Variants in PPP2R2C observed in about 807,000 individuals in gnomAD.
PPP2R2C encodes the protein protein phosphatase 2, regulatory subunit B, gamma.
In PPP2R2C, 10 loss-of-function variants were observed where a neutral mutation model predicts 45.3. The observed-to-expected ratio is 0.22, with a 90% CI of 0.14 to 0.37. The LOEUF is 0.37. PPP2R2C is among the 10% of genes least tolerant of loss of function. The pLI, the probability that PPP2R2C is intolerant of heterozygous loss-of-function variation, is 1.00. For synonymous variants in PPP2R2C, 257 were observed against 245.4 expected, an observed-to-expected ratio of 1.05 and a Z score of -0.44; for missense variants, 308 against 619.7, an observed-to-expected ratio of 0.50 and a Z score of 5.34.
At chr4:6,386,166 G>A (rs1039287931) in intron 1 of PPP2R2C, among the ~76,000 whole-genome samples, 25 of 152,294 alleles carry the variant, frequency 1.6e-4, no homozygotes, top group African/African-American at 4.6e-4. Context: ...GGGTGAGGCC[G>A]CAGCAGATGC....
chr4:6,403,457 G>A (rs1449571927), intron 1 of PPP2R2C, among the ~76,000 whole-genome samples: 2 of 152,220 alleles, frequency 1.3e-5, no homozygotes, highest in African/African-American at 4.8e-5. Context: ...ACAGCGGGGT[G>A]AGGCTGTGCG....
chr4:6,396,055 C>T (rs1389146309), intron 1 of PPP2R2C, among the ~76,000 whole-genome samples: 1 of 152,200 alleles, frequency 6.6e-6, no homozygotes, highest in East Asian at 1.9e-4. Flanking sequence ...CACACAGGAG[C>T]ATTACACACA....
intron 2 of PPP2R2C, among the ~76,000 whole-genome samples, chr4:6,509,937 T>A (rs1338722712): frequency 6.6e-6 from 1 of 152,208 alleles, no homozygotes; most frequent in Non-Finnish European, 1.5e-5. Context: ...ACCCTCCACG[T>A]GTAACTGATT....
chr4:6,494,016 C>A lies in PPP2R2C; in HGVS notation c.49+41255G>T, dbSNP rs117542744. ...TCGGCTACACCCAGCTTCGAGCCTG[C>A]AGCGTACCTGGGTTTGCACATTTTT... is the stretch of plus-strand genomic sequence containing the variant. On this transcript the variant is annotated intron_variant, in intron 2 of 9. Coordinates refer to the PPP2R2C transcript ENST00000506140. 2.6e-4 allele frequency among the ~76,000 whole-genome samples: 40 copies of A among 152,362 alleles called. No homozygotes were observed. The East Asian group carries it at 7.5e-3, about 29-fold the overall frequency.
At chr4:6,362,570 G>A (rs1713875643) in intron 5 of PPP2R2C, among the ~76,000 whole-genome samples, 1 of 152,200 alleles carries the variant, frequency 6.6e-6, no homozygotes, top group Non-Finnish European at 1.5e-5. Flanking sequence ...AAATACGGCT[G>A]TCTCAACAAA....
At position 6,323,315 on chromosome 4, in the gene PPP2R2C, G is replaced by C; in HGVS notation, c.1331C>G (p.Ser444Cys). The C allele has an allele frequency of 1.2e-6, 2 of 1,603,608 alleles. No homozygotes were observed. Among genetic ancestry groups the C allele is most frequent in the South Asian group, 1.1e-5 (1 of 90,598 alleles). Residue 444 changes from serine (S) to cysteine (C), a missense_variant, in exon 9 of 9, where the codon TCT (serine) becomes TGT (cysteine). Ser to Cys is a moderately radical substitution (Grantham distance 112). Transcript: ENST00000382599. ...NLYIFQDKVN[S>C]DMH is the part of the protein sequence containing the mutation. ...AACTGCACATACCTAGTGCATGTCA[G>C]AGTTTACCTTGTCCTGGAAGATGTA...
At chr4:6,543,197 T>C (rs1411605730) in intron 1 of PPP2R2C, among the ~76,000 whole-genome samples, 2 of 152,196 alleles carry the variant, frequency 1.3e-5, no homozygotes. Flanking sequence ...CCGCAGCCCC[T>C]GAGCTCCTCA....
At position 6,372,579 on chromosome 4, in the gene PPP2R2C, G is replaced by C; in HGVS notation, c.569C>G (p.Ser190Trp). 6.2e-7 allele frequency: 1 copy of C among 1,614,190 alleles called. No individual in the cohort carries two copies. Among genetic ancestry groups the C allele is most frequent in the Non-Finnish European group, 8.5e-7 (1 of 1,180,034 alleles). The change falls in exon 5 of 9, where the codon TCG becomes TGG. Residue 190 changes from serine to tryptophan, a missense_variant. By Grantham distance (177) the Ser-to-Trp change is radical. Transcript: ENST00000382599. ...GAGGTTGATGCGCAGGTCATCCGCC[G>C]ACATGTAGGTCTCGCAGTCACTGTT... Reference protein sequence around the residue: ...SVNSDCETYMSADDLRINLWH... With the variant: ...SVNSDCETYMWADDLRINLWH...
At position 6,407,771 on chromosome 4, in the gene PPP2R2C, T is replaced by C. The variant is rs373480531; in HGVS notation, c.71-26677A>G. Among the ~76,000 whole-genome samples the C allele has an allele frequency of 1.2e-4, 18 of 152,242 alleles. No individual in the cohort carries two copies. In the East Asian group the frequency reaches 2.1e-3, roughly 18 times the overall value. On this transcript the variant is annotated intron_variant, in intron 1 of 8. Transcript: ENST00000382599. ...GGGAAGTTCTTAAACTATTCAAAAG[T>C]GAGGAAAATGGATTCAAAAATACAT...
chr4:6,384,309 A>G (rs553664071), intron 1 of PPP2R2C: 2 of 985,426 alleles, frequency 2.0e-6, no homozygotes, highest in African/African-American at 3.5e-5. Flanking sequence ...AATGATCTAC[A>G]TCAGTGATTA....
intron 1 of PPP2R2C, among the ~76,000 whole-genome samples, chr4:6,560,543 T>C (rs184862225): frequency 6.6e-6 from 1 of 152,126 alleles, no homozygotes; most frequent in Non-Finnish European, 1.5e-5. Flanking sequence ...TTTCACCAGG[T>C]TGTGGCGGAA....
chr4:6,517,879 T>C (rs1393891839), intron 2 of PPP2R2C, among the ~76,000 whole-genome samples: 1 of 152,178 alleles, frequency 6.6e-6, no homozygotes, highest in Admixed American at 6.5e-5. Context: ...CTTTGCCCCC[T>C]GCTCTACAGA....
At chr4:6,549,191 C>G (rs543344192) in intron 1 of PPP2R2C, among the ~76,000 whole-genome samples, 1 of 152,188 alleles carries the variant, frequency 6.6e-6, no homozygotes, top group Non-Finnish European at 1.5e-5. Context: ...CTTTGCCCCC[C>G]ACAAAGTCCA....
intron 6 of PPP2R2C, among the ~76,000 whole-genome samples, chr4:6,336,591 T>C (rs1455043425): frequency 1.7e-4 from 4 of 24,084 alleles, no homozygotes; most frequent in African/African-American, 2.3e-4. Context: ...CTGTACAGAG[T>C]GAGCCCAGTG....
intron 1 of PPP2R2C, chr4:6,383,687 C>G (rs545717910): frequency 5.0e-6 from 3 of 600,374 alleles, no homozygotes; most frequent in Admixed American, 9.8e-5. Context: ...CCAACCTAAT[C>G]TGATGTTTTT....
upstream of PPP2R2C, among the ~76,000 whole-genome samples, chr4:6,477,090 T>TA (rs550951127): frequency 5.3e-5 from 8 of 152,104 alleles, no homozygotes; most frequent in South Asian, 4.1e-4. Context: ...CCGTCTCTAC[T>TA]AAAAAAATGC....
chr4:6,525,405 A>AAAAT (rs1295098045), intron 2 of PPP2R2C, among the ~76,000 whole-genome samples: 3 of 126,552 alleles, frequency 2.4e-5, no homozygotes, highest in Non-Finnish European at 5.4e-5. Flanking sequence ...ACCCCATCTC[A>AAAAT]AAATAAGTAA....
chr4:6,553,093 T>C (rs1397722491), intron 1 of PPP2R2C, among the ~76,000 whole-genome samples: 1 of 152,208 alleles, frequency 6.6e-6, no homozygotes, highest in Non-Finnish European at 1.5e-5. Context: ...CTCCCTGGGC[T>C]GAAAGGTGCA....
At chr4:6,549,185 G>T (rs1436122971) in intron 1 of PPP2R2C, among the ~76,000 whole-genome samples, 1 of 152,048 alleles carries the variant, frequency 6.6e-6, no homozygotes, top group Non-Finnish European at 1.5e-5. Flanking sequence ...TTCTCACTTT[G>T]CCCCCCACAA....
Sources: allele counts gnomAD v4.1 joint callset (sites outside exome capture counted in the v4.1 genomes callset), GRCh38; gene constraint gnomAD v4.1.1; transcripts MANE v1.5; gene names NCBI Gene and HGNC (gene_info 2026-07-23, HGNC 2026-07-21).